Variants in SYN3 observed in about 807,000 individuals in gnomAD.
The protein encoded by SYN3 is synapsin III.
SYN3 carries 35 observed loss-of-function variants against 65.8 expected under a neutral mutation model. The ratio of observed to expected loss-of-function variants is 0.53; its 90% CI spans 0.41 to 0.70. The LOEUF (loss-of-function observed/expected upper bound fraction) is 0.70, where lower values mean the gene tolerates loss of function less well. Ranked by LOEUF, SYN3 falls within the 30% of genes least tolerant of loss-of-function variation. The pLI, the probability that SYN3 is intolerant of heterozygous loss-of-function variation, is 0.00. For synonymous variants in SYN3, 270 were observed against 292.9 expected, an observed-to-expected ratio of 0.92 and a Z score of 0.80; for missense variants, 680 against 749.0, an observed-to-expected ratio of 0.91 and a Z score of 1.08.
At chr22:32,611,312 G>C (rs1478841063) in intron 6 of SYN3, among the ~76,000 whole-genome samples, 1 of 143,400 alleles carries the variant, frequency 7.0e-6, no homozygotes, top group East Asian at 2.0e-4. Context: ...TTTTGTGGGG[G>C]GGATGGAGTC....
chr22:32,843,699 G>A (rs143738144), intron 6 of SYN3, among the ~76,000 whole-genome samples: 208 of 152,172 alleles, frequency 1.4e-3, no homozygotes, highest in African/African-American at 4.6e-3. Context: ...CCGAAGATGC[G>A]AGCCCATGGT....
At chr22:32,971,256 T>A (rs568629393) in intron 3 of SYN3, among the ~76,000 whole-genome samples, 1 of 152,218 alleles carries the variant, frequency 6.6e-6, no homozygotes, top group Non-Finnish European at 1.5e-5. Flanking sequence ...CTCTAATGAG[T>A]TATGTTTCAG....
intron 4 of SYN3, among the ~76,000 whole-genome samples, chr22:32,909,077 C>T (rs1325874031): frequency 6.6e-6 from 1 of 152,172 alleles, no homozygotes; most frequent in Non-Finnish European, 1.5e-5. Context: ...ATTTACGAAG[C>T]CCCTTCCCTG....
At chr22:32,929,176 G>C (rs766256699) in intron 4 of SYN3, among the ~76,000 whole-genome samples, 1 of 152,108 alleles carries the variant, frequency 6.6e-6, no homozygotes, top group Non-Finnish European at 1.5e-5. Context: ...CAGCTACCCG[G>C]GAGGCTGAGG....
At chr22:32,753,266 T>G (rs1283708282) in intron 6 of SYN3, among the ~76,000 whole-genome samples, 1 of 152,178 alleles carries the variant, frequency 6.6e-6, no homozygotes, top group East Asian at 1.9e-4. Flanking sequence ...ACAGATCCCA[T>G]GACTCCAAGT....
In SYN3 at chr22:32,567,065, G is replaced by C. The variant is rs544403921; in HGVS notation, c.775-25352C>G. ...ATGGGAAGGACGTGGGGCTTGAAGA[G>C]AGCAGCAAAGTTCTGGAAATGCCAC... On this transcript the variant is annotated intron_variant, in intron 7 of 13. Coordinates refer to ENST00000358763, the MANE Select transcript of SYN3 (RefSeq NM_003490.4). 3.9e-5 allele frequency among the ~76,000 whole-genome samples: 6 copies of C among 152,280 alleles called. No individual in the cohort carries two copies. In the East Asian group the frequency reaches 5.8e-4, roughly 15 times the overall value.
intron 6 of SYN3, among the ~76,000 whole-genome samples, chr22:32,631,562 C>T (rs1300471297): frequency 6.6e-6 from 1 of 152,102 alleles, no homozygotes; most frequent in Non-Finnish European, 1.5e-5. Flanking sequence ...CTTAGGAAAC[C>T]ACCTGATACA....
intron 6 of SYN3, among the ~76,000 whole-genome samples, chr22:32,781,337 C>T (rs1276944081): frequency 6.6e-6 from 1 of 152,044 alleles, no homozygotes; most frequent in Non-Finnish European, 1.5e-5. Context: ...CAAGTACATC[C>T]TCAATAAATC....
chr22:32,625,817 G>A (rs1008703781), intron 6 of SYN3, among the ~76,000 whole-genome samples: 1 of 152,178 alleles, frequency 6.6e-6, no homozygotes, highest in Non-Finnish European at 1.5e-5. Context: ...CAATGTTGAC[G>A]CCATGTGAGG....
At chr22:32,553,268 T>C (rs556372174) in intron 7 of SYN3, among the ~76,000 whole-genome samples, 5 of 152,196 alleles carry the variant, frequency 3.3e-5, no homozygotes, top group African/African-American at 9.7e-5. Flanking sequence ...TAAAGCATGA[T>C]TCAAAGAAAG....
chr22:32,621,824 A>G (rs2059598830), intron 6 of SYN3, among the ~76,000 whole-genome samples: 1 of 152,174 alleles, frequency 6.6e-6, no homozygotes, highest in South Asian at 2.1e-4. Context: ...ACTGAGGCTC[A>G]GAGAAATTAA....
intron 9 of SYN3, among the ~76,000 whole-genome samples, chr22:32,536,326 T>G (rs1276909348): frequency 6.6e-6 from 1 of 152,188 alleles, no homozygotes; most frequent in African/African-American, 2.4e-5. Flanking sequence ...AGCTGCCCCC[T>G]GGGGTTGATG....
At chr22:33,019,469 C>T (rs991923354) in intron 1 of SYN3, among the ~76,000 whole-genome samples, 1 of 152,138 alleles carries the variant, frequency 6.6e-6, no homozygotes, top group Non-Finnish European at 1.5e-5. Flanking sequence ...CTTATTCAAC[C>T]TCCGTGCCTC....
chr22:32,671,722 C>T (rs1254397139), intron 6 of SYN3, among the ~76,000 whole-genome samples: 1 of 150,074 alleles, frequency 6.7e-6, no homozygotes, highest in Non-Finnish European at 1.5e-5. Context: ...CACATGCTCT[C>T]ACAGGTACAC....
intron 6 of SYN3, among the ~76,000 whole-genome samples, chr22:32,652,091 G>C (rs764000797): frequency 3.9e-5 from 6 of 152,206 alleles, no homozygotes; most frequent in Non-Finnish European, 8.8e-5. Context: ...TTTGATTCCA[G>C]ACTCTGCCAC....
At chr22:32,639,101 C>T (rs1264852354) in intron 6 of SYN3, among the ~76,000 whole-genome samples, 7 of 152,198 alleles carry the variant, frequency 4.6e-5, no homozygotes, top group Non-Finnish European at 1.0e-4. Context: ...CTACAGGCGC[C>T]CGCCACCACC....
chr22:32,884,213 C>A (rs891380044), intron 4 of SYN3, among the ~76,000 whole-genome samples: 1 of 152,196 alleles, frequency 6.6e-6, no homozygotes, highest in African/African-American at 2.4e-5. Context: ...GCATGAACTA[C>A]CCTTTGAGAA....
intron 6 of SYN3, among the ~76,000 whole-genome samples, chr22:32,680,079 G>A (rs2060503807): frequency 6.6e-6 from 1 of 151,920 alleles, no homozygotes; most frequent in Admixed American, 6.6e-5. Context: ...TGTAATAGAG[G>A]TTCAGGTAAT....
chr22:32,579,137 T>C (rs972858522), intron 7 of SYN3, among the ~76,000 whole-genome samples: 1 of 152,210 alleles, frequency 6.6e-6, no homozygotes, highest in Admixed American at 6.5e-5. Context: ...ATCTAACCCA[T>C]TGATTAAATA....
Sources: allele counts gnomAD v4.1 joint callset (sites outside exome capture counted in the v4.1 genomes callset), GRCh38; gene constraint gnomAD v4.1.1; transcripts MANE v1.5; gene names NCBI Gene and HGNC (gene_info 2026-07-23, HGNC 2026-07-21).